Variants in ZNF365 observed in about 807,000 individuals in gnomAD.
ZNF365 encodes protein ZNF365.
In ZNF365, 22 loss-of-function variants were observed where a neutral mutation model predicts 35.0. The ratio of observed to expected loss-of-function variants is 0.63; its 90% CI spans 0.45 to 0.90. ZNF365 has a LOEUF of 0.90. Among genes scored for constraint, ZNF365 ranks in the 40% least tolerant of loss-of-function variants. The pLI is 0.00. For missense variants in ZNF365, 448 were observed against 500.3 expected, an observed-to-expected ratio of 0.90 and a Z score of 1.00; for synonymous variants, 188 against 196.2, an observed-to-expected ratio of 0.96 and a Z score of 0.35.
intron 3 of ZNF365, among the ~76,000 whole-genome samples, chr10:62,458,083 A>G (rs1343418839): frequency 6.6e-6 from 1 of 152,206 alleles, no homozygotes; most frequent in Non-Finnish European, 1.5e-5. Context: ...ATGGGAAAAG[A>G]GGAGAGAGAT....
chr10:62,399,313 T>G (rs184790849), intron 4 of ZNF365, among the ~76,000 whole-genome samples: 1 of 152,228 alleles, frequency 6.6e-6, no homozygotes, highest in Admixed American at 6.5e-5. Flanking sequence ...ACTAGTAATA[T>G]CTCCCTGGGA....
chr10:62,429,331 G>C (rs540871121), intron 3 of ZNF365, among the ~76,000 whole-genome samples: 354 of 152,314 alleles, frequency 2.3e-3, no homozygotes, highest in African/African-American at 8.1e-3. Context: ...ACTTGGCCTT[G>C]AGGATCTCAA....
chr10:62,375,706 T>G (rs1839311548), intron 1 of ZNF365: 1 of 163,220 alleles, frequency 6.1e-6, no homozygotes, highest in Non-Finnish European at 1.4e-5. Context: ...GGGGCACGGT[T>G]TTGCATTTAG....
chr10:62,460,601 A>T (rs1840831704), intron 4 of ZNF365, among the ~76,000 whole-genome samples: 2 of 152,228 alleles, frequency 1.3e-5, no homozygotes, highest in South Asian at 4.1e-4. Flanking sequence ...AAAACCTCAG[A>T]TAAGTGGGGA....
chr10:62,432,343 G>T (rs191680724), intron 3 of ZNF365, among the ~76,000 whole-genome samples: 1 of 152,300 alleles, frequency 6.6e-6, no homozygotes, highest in East Asian at 1.9e-4. Context: ...ATGTGCTTCA[G>T]AAGTAATTTG....
chr10:62,464,005 A>G (rs148154898), intron 4 of ZNF365, among the ~76,000 whole-genome samples: 53 of 152,350 alleles, frequency 3.5e-4, no homozygotes, highest in African/African-American at 1.3e-3. Flanking sequence ...GGTGGACATT[A>G]TCAATAAAAA....
At chr10:62,419,377 C>G (rs1440785450) in intron 3 of ZNF365, among the ~76,000 whole-genome samples, 1 of 151,046 alleles carries the variant, frequency 6.6e-6, no homozygotes, top group Non-Finnish European at 1.5e-5. Context: ...TGAGGCAAAA[C>G]ATATAATTTA....
intron 3 of ZNF365, among the ~76,000 whole-genome samples, chr10:62,447,805 C>T (rs571761824): frequency 2.0e-5 from 3 of 152,184 alleles, no homozygotes; most frequent in South Asian, 2.1e-4. Flanking sequence ...CCTTTCAGGT[C>T]GTGGTGGATG....
intron 4 of ZNF365, among the ~76,000 whole-genome samples, chr10:62,464,783 C>T (rs754806630): frequency 2.0e-5 from 3 of 152,180 alleles, no homozygotes; most frequent in Non-Finnish European, 4.4e-5. Flanking sequence ...ACACAATACT[C>T]GAAGTCATAA....
At chr10:62,447,982 A>T (rs1840617527) in intron 3 of ZNF365, among the ~76,000 whole-genome samples, 1 of 152,206 alleles carries the variant, frequency 6.6e-6, no homozygotes, top group African/African-American at 2.4e-5. Context: ...ACAAAGTTGA[A>T]AGAACTGTAT....
At chr10:62,451,405 C>CAAAAAA (rs1191919776) in intron 3 of ZNF365, among the ~76,000 whole-genome samples, 1 of 151,954 alleles carries the variant, frequency 6.6e-6, no homozygotes, top group Non-Finnish European at 1.5e-5. Context: ...TTGGCAGCGA[C>CAAAAAA]AAAAAGCTTG....
chr10:62,388,223 A>G (rs1300812949), intron 2 of ZNF365, among the ~76,000 whole-genome samples, 173 bp from the exon 3 acceptor site: 1 of 152,176 alleles, frequency 6.6e-6, no homozygotes, highest in Admixed American at 6.5e-5. Flanking sequence ...TCCTCTATTA[A>G]AATACAGTCT....
intron 2 of ZNF365, among the ~76,000 whole-genome samples, chr10:62,380,216 A>G (rs1323551891): frequency 6.6e-6 from 1 of 152,238 alleles, no homozygotes; most frequent in Non-Finnish European, 1.5e-5. Flanking sequence ...TGAATGACTC[A>G]GGTTTGAACT....
intron 3 of ZNF365, among the ~76,000 whole-genome samples, chr10:62,396,343 T>C (rs1195455295): frequency 6.6e-6 from 1 of 152,204 alleles, no homozygotes; most frequent in Non-Finnish European, 1.5e-5. Context: ...CGAACACTGG[T>C]AAAGCACCGA....
At chr10:62,472,250 A>C (rs1054556512) in intron 4 of ZNF365, among the ~76,000 whole-genome samples, 19 of 152,236 alleles carry the variant, frequency 1.2e-4, no homozygotes, top group African/African-American at 4.3e-4. Flanking sequence ...CTAAGAAAAG[A>C]AGCCTCACAA....
chr10:62,455,308 T>A (rs1478499867), intron 3 of ZNF365, among the ~76,000 whole-genome samples: 3 of 152,166 alleles, frequency 2.0e-5, no homozygotes, highest in African/African-American at 7.2e-5. Context: ...CCCAGTTGGC[T>A]AACAACAGAT....
At chr10:62,429,176 T>C (rs1840298143) in intron 3 of ZNF365, among the ~76,000 whole-genome samples, 1 of 152,162 alleles carries the variant, frequency 6.6e-6, no homozygotes, top group African/African-American at 2.4e-5. Flanking sequence ...CAGGGATGCA[T>C]AGAGAAAGAA....
downstream of ZNF365, among the ~76,000 whole-genome samples, chr10:62,403,074 A>C (rs1303660615): frequency 2.0e-5 from 3 of 152,238 alleles, no homozygotes; most frequent in Non-Finnish European, 2.9e-5. Context: ...TTGACTGCTC[A>C]AAAACTTAAC....
intron 4 of ZNF365, among the ~76,000 whole-genome samples, chr10:62,470,381 A>T (rs1841014635): frequency 6.6e-6 from 1 of 152,148 alleles, no homozygotes; most frequent in Non-Finnish European, 1.5e-5. Flanking sequence ...TAACCCTTTG[A>T]CTTCCAGCCA....
Sources: gnomAD v4.1 joint callset for allele counts (sites outside exome capture counted in the v4.1 genomes callset) on GRCh38, gnomAD v4.1.1 for gene constraint, MANE v1.5 for transcripts, NCBI Gene and HGNC (gene_info 2026-07-23, HGNC 2026-07-21) for gene names.